Variants in FAM78B observed in about 807,000 individuals in gnomAD.
FAM78B encodes the protein family with sequence similarity 78 member B, also known as protein FAM78B.
Under a neutral mutation model 20.0 loss-of-function variants are expected in FAM78B, and 10 were observed. The observed-to-expected ratio is 0.50, with a 90% confidence interval of 0.31 to 0.85. FAM78B has a LOEUF of 0.85. Ranked by LOEUF, FAM78B falls within the 40% of genes least tolerant of loss-of-function variation. The pLI is 0.05. For missense variants in FAM78B, 283 were observed against 345.0 expected, an observed-to-expected ratio of 0.82 and a Z score of 1.42; for synonymous variants, 135 against 132.8, an observed-to-expected ratio of 1.02 and a Z score of -0.12.
At chr1:166,094,106 G>T (rs371607439) in intron 1 of FAM78B, among the ~76,000 whole-genome samples, 1 of 151,510 alleles carries the variant, frequency 6.6e-6, no homozygotes, top group Admixed American at 6.6e-5. Context: ...GAAGCAGGAC[G>T]TTGGGATGCA....
At chr1:166,145,775 A>G (rs1378275036) in intron 1 of FAM78B, among the ~76,000 whole-genome samples, 1 of 152,238 alleles carries the variant, frequency 6.6e-6, no homozygotes, top group African/African-American at 2.4e-5. Flanking sequence ...TTGGCTGCAC[A>G]TTAAACTGAT....
intron 1 of FAM78B, among the ~76,000 whole-genome samples, chr1:166,109,862 G>GTGTGTATATA (rs1179378097): frequency 1.8e-4 from 3 of 16,276 alleles, no homozygotes; most frequent in East Asian, 2.0e-3. Context: ...ATATATATAT[G>GTGTGTATATA]TATGTGTATA....
intron 1 of FAM78B, among the ~76,000 whole-genome samples, chr1:166,131,896 G>A (rs541412733): frequency 2.6e-5 from 4 of 152,242 alleles, no homozygotes; most frequent in Non-Finnish European, 5.9e-5. Flanking sequence ...TAGTCAGCTG[G>A]GGGCAGAAGA....
intron 1 of FAM78B, among the ~76,000 whole-genome samples, chr1:166,095,695 G>A (rs1376515499): frequency 2.0e-5 from 3 of 152,172 alleles, no homozygotes; most frequent in Admixed American, 6.5e-5. Context: ...GAAAAGGGCA[G>A]GGAATTGCTT....
chr1:166,079,057 G>A (rs1652458848), intron 1 of FAM78B, among the ~76,000 whole-genome samples: 1 of 151,860 alleles, frequency 6.6e-6, no homozygotes, highest in Non-Finnish European at 1.5e-5. Flanking sequence ...TCAGCCTCTG[G>A]AGTAGCTGGG....
chr1:166,065,001 T>C (rs1651747261), downstream of FAM78B, among the ~76,000 whole-genome samples: 1 of 152,110 alleles, frequency 6.6e-6, no homozygotes, highest in South Asian at 2.1e-4. Flanking sequence ...TGGGCCTCCC[T>C]TCTAATGTGG....
At chr1:166,081,584 C>G (rs1394001771) in intron 1 of FAM78B, among the ~76,000 whole-genome samples, 1 of 152,218 alleles carries the variant, frequency 6.6e-6, no homozygotes, top group Non-Finnish European at 1.5e-5. Context: ...CCTGACCACA[C>G]AGCAAGCCCT....
At position 166,070,220 on chromosome 1, in the gene FAM78B, C is replaced by T. The variant is rs750410010; in HGVS notation, c.*21G>A. On this transcript the variant is annotated 3_prime_UTR_variant, in exon 2 of 2. Coordinates refer to ENST00000354422, the MANE Select transcript of FAM78B (RefSeq NM_001017961.5). ...ATGTCTCAGAGGCGTGTGATCCACA[C>T]ACAGTCAGGCCAGTCTGCTTCTACT... is the stretch of plus-strand genomic sequence containing the variant. The T allele has an allele frequency of 4.0e-6, 6 of 1,507,638 alleles. No individual in the cohort carries two copies. The highest frequency in any genetic ancestry group is 2.3e-5 in the East Asian group (1 of 43,880). The allele number at this position is 1,507,638 out of a possible 1,614,324, so 93.4% of individuals were successfully genotyped here. A position where few individuals can be genotyped will look rare whatever the true frequency, so the allele number is the denominator to read the frequency against.
intron 1 of FAM78B, among the ~76,000 whole-genome samples, chr1:166,120,445 G>A (rs549508454): frequency 2.8e-4 from 43 of 152,328 alleles, no homozygotes; most frequent in East Asian, 1.4e-3. Context: ...CAGCAACTGC[G>A]GGAACATGGG....
At chr1:166,090,805 T>C (rs1653035795) in intron 1 of FAM78B, among the ~76,000 whole-genome samples, 2 of 152,210 alleles carry the variant, frequency 1.3e-5, no homozygotes, top group Admixed American at 6.5e-5. Context: ...AAAAGCCATC[T>C]GGCCATCTGG....
intron 1 of FAM78B, among the ~76,000 whole-genome samples, chr1:166,104,153 G>T: frequency 6.6e-6 from 1 of 152,102 alleles, no homozygotes; most frequent in Non-Finnish European, 1.5e-5. Context: ...AAATTCAACA[G>T]CCCTTCATGC....
intron 1 of FAM78B, among the ~76,000 whole-genome samples, chr1:166,140,770 C>T (rs185952213): frequency 1.3e-5 from 2 of 152,294 alleles, no homozygotes; most frequent in East Asian, 3.9e-4. Context: ...GATTTGTATC[C>T]TCCCTGATCA....
chr1:166,099,573 GA>G (rs1369149931), intron 1 of FAM78B, among the ~76,000 whole-genome samples: 1 of 152,148 alleles, frequency 6.6e-6, no homozygotes, highest in Non-Finnish European at 1.5e-5. Context: ...TAAAGGGGTG[GA>G]AAAAGCCATT....
chr1:166,092,945 A>G (rs1489862065), intron 1 of FAM78B, among the ~76,000 whole-genome samples: 1 of 152,240 alleles, frequency 6.6e-6, no homozygotes, highest in Non-Finnish European at 1.5e-5. Context: ...GAGACATTCT[A>G]ACTTGCCGTT....
intron 1 of FAM78B, among the ~76,000 whole-genome samples, chr1:166,155,446 G>T (rs1287882965): frequency 1.3e-5 from 2 of 152,150 alleles, no homozygotes; most frequent in African/African-American, 4.8e-5. Context: ...TAAAGCATCT[G>T]GCACACACTA....
chr1:166,077,021 A>G (rs1434650007), intron 1 of FAM78B, among the ~76,000 whole-genome samples: 1 of 152,212 alleles, frequency 6.6e-6, no homozygotes, highest in Non-Finnish European at 1.5e-5. Flanking sequence ...AGGAGAACTA[A>G]TTTCCAAAGT....
At chr1:166,109,810 A>ATATG (rs1274076713) in intron 1 of FAM78B, among the ~76,000 whole-genome samples, 1 of 33,564 alleles carries the variant, frequency 3.0e-5, no homozygotes, top group African/African-American at 1.0e-4. Flanking sequence ...ATATATGTAT[A>ATATG]TATGTATATA....
chr1:166,071,318 G>T (rs12030964), intron 1 of FAM78B, among the ~76,000 whole-genome samples: 23,068 of 152,252 alleles, frequency 0.15, 2,271 homozygotes, highest in East Asian at 0.43. Flanking sequence ...CATCGCTTAG[G>T]CATAGAAAAT....
At chr1:166,101,390 C>T (rs1036222823) in intron 1 of FAM78B, among the ~76,000 whole-genome samples, 5 of 152,002 alleles carry the variant, frequency 3.3e-5, no homozygotes, top group African/African-American at 7.3e-5. Context: ...CAAACTTCTC[C>T]GAGCTAAAGG....
Sources: allele counts gnomAD v4.1 joint callset (sites outside exome capture counted in the v4.1 genomes callset), GRCh38; gene constraint gnomAD v4.1.1; transcripts MANE v1.5; gene names NCBI Gene and HGNC (gene_info 2026-07-23, HGNC 2026-07-21).